The following CACNA2D2 variants were observed in gnomAD, a reference collection of about 807,000 sequenced individuals.
CACNA2D2 encodes voltage-dependent calcium channel subunit alpha-2/delta-2.
Under a neutral mutation model 166.4 loss-of-function variants are expected in CACNA2D2, and 48 were observed. That is an observed-to-expected ratio of 0.29 (90% CI 0.23 to 0.37). CACNA2D2 has a LOEUF of 0.37. Ranked by LOEUF, CACNA2D2 falls within the 10% of genes least tolerant of loss-of-function variation. The probability of loss-of-function intolerance (pLI) is 1.00; values close to 1 mark genes in which losing one functional copy is unlikely to be tolerated. For synonymous variants in CACNA2D2, 561 were observed against 573.7 expected, an observed-to-expected ratio of 0.98 and a Z score of 0.32; for missense variants, 1,122 against 1,433.0, an observed-to-expected ratio of 0.78 and a Z score of 3.50.
chr3:50,374,769 G>A lies in CACNA2D2; in HGVS notation c.1952C>T (p.Ala651Val). Reference protein sequence around the residue: ...LPPYSTFYLQANLSDQILQVK... With the variant: ...LPPYSTFYLQVNLSDQILQVK... ...CTGCAGGATCTGGTCACTGAGATTG[G>A]CTTGGAGGTAGAAGGTGCTGTAGGG... Residue 651 changes from alanine to valine, a missense_variant, in exon 22 of 38, where the codon GCC becomes GTC. Physicochemically the swap from Ala to Val is moderately conservative, Grantham distance 64 (BLOSUM62 0). Coordinates refer to ENST00000424201, the MANE Select transcript of CACNA2D2 (RefSeq NM_006030.4). The A allele has an allele frequency of 3.1e-6, 5 of 1,598,750 alleles. No homozygotes were observed. The highest frequency in any genetic ancestry group is 4.3e-6 in the Non-Finnish European group (5 of 1,173,432).
At chr3:50,502,991 A>C (rs1314061815) in intron 1 of CACNA2D2, among the ~76,000 whole-genome samples, 3 of 151,534 alleles carry the variant, frequency 2.0e-5, no homozygotes, top group Non-Finnish European at 4.4e-5. Flanking sequence ...CATTCGGGGG[A>C]TTTGGGGGAA....
At chr3:50,441,191 T>C (rs970068862) in intron 2 of CACNA2D2, among the ~76,000 whole-genome samples, 77 of 152,116 alleles carry the variant, frequency 5.1e-4, no homozygotes, top group African/African-American at 1.8e-3. Context: ...GGCTCTGTGG[T>C]CCCTCGTCCT....
chr3:50,384,428 G>GTCCA (rs2106688311), intron 5 of CACNA2D2, 91 bp from the exon 6 acceptor site: 1 of 1,438,394 alleles, frequency 7.0e-7, no homozygotes, highest in African/African-American at 1.4e-5. Context: ...GAGGGCCAGA[G>GTCCA]TCCAGGAGAT....
intron 2 of CACNA2D2, among the ~76,000 whole-genome samples, chr3:50,457,652 T>C (rs1182606851): frequency 6.6e-6 from 1 of 152,136 alleles, no homozygotes. Context: ...CAACCCCACG[T>C]ACCTCTGCCA....
intron 3 of CACNA2D2, among the ~76,000 whole-genome samples, chr3:50,432,616 G>A (rs2236969): frequency 0.095 from 14,416 of 152,246 alleles, 1,989 homozygotes; most frequent in African/African-American, 0.3. Context: ...AGAGGCGAGC[G>A]TAATGGGCTG....
intron 2 of CACNA2D2, among the ~76,000 whole-genome samples, chr3:50,467,974 T>G (rs1223675978): frequency 6.6e-6 from 1 of 152,172 alleles, no homozygotes; most frequent in African/African-American, 2.4e-5. Flanking sequence ...CGGCTGTGGT[T>G]TGTCAGAACC....
At chr3:50,433,832 G>A (rs1238874313) in intron 3 of CACNA2D2, among the ~76,000 whole-genome samples, 2 of 152,156 alleles carry the variant, frequency 1.3e-5, no homozygotes, top group Admixed American at 6.5e-5. Flanking sequence ...TCAAAGCCAT[G>A]GGCAGAGCAG....
chr3:50,433,891 A>G (rs1439001253), intron 3 of CACNA2D2, among the ~76,000 whole-genome samples: 3 of 152,064 alleles, frequency 2.0e-5, no homozygotes, highest in African/African-American at 7.2e-5. Context: ...AGCCCCCTCG[A>G]CACTCCCTCC....
chr3:50,367,803 G>A lies in CACNA2D2; in HGVS notation c.2234+9C>T. ...AGCCTTCTGCCCCCACAGGCTGGGT[G>A]ATGCCTACGTGTTGAGATCCTGGTC... is the stretch of plus-strand genomic sequence containing the variant. On this transcript the variant is annotated intron_variant, in intron 25 of 37. Transcript: ENST00000424201. The surrounding 1 kb of genome is among the most constrained non-coding windows in gnomAD (Gnocchi z 6.5). The A allele has an allele frequency of 1.9e-6, 3 of 1,612,486 alleles. No homozygotes were observed. Among genetic ancestry groups the A allele is most frequent in the South Asian group, 1.1e-5 (1 of 90,986 alleles).
intron 2 of CACNA2D2, among the ~76,000 whole-genome samples, chr3:50,447,387 AG>A (rs550064072): frequency 4.5e-4 from 69 of 152,322 alleles, no homozygotes; most frequent in African/African-American, 1.5e-3. Context: ...AACCTCCAGC[AG>A]GAAGGAGGGA....
intron 2 of CACNA2D2, among the ~76,000 whole-genome samples, chr3:50,440,061 T>C (rs902511223): frequency 2.0e-5 from 3 of 152,194 alleles, no homozygotes; most frequent in Non-Finnish European, 2.9e-5. Context: ...TGACAGCACT[T>C]GGGACAGATC....
intron 2 of CACNA2D2, among the ~76,000 whole-genome samples, chr3:50,464,556 C>T (rs1198027384): frequency 6.6e-6 from 1 of 152,132 alleles, no homozygotes; most frequent in Non-Finnish European, 1.5e-5. Flanking sequence ...AAGCCACAGC[C>T]CACATAAAAG....
chr3:50,400,557 C>T (rs1272158674), intron 3 of CACNA2D2, among the ~76,000 whole-genome samples: 1 of 152,252 alleles, frequency 6.6e-6, no homozygotes, highest in Non-Finnish European at 1.5e-5. Context: ...CTTGCCCCGA[C>T]CCCACATTTT....
intron 2 of CACNA2D2, among the ~76,000 whole-genome samples, chr3:50,451,275 G>A (rs754161984): frequency 2.6e-5 from 4 of 152,090 alleles, no homozygotes; most frequent in East Asian, 1.9e-4. Flanking sequence ...ACAGGTGTGC[G>A]CCACCATGCC....
Position 50,365,601 on chromosome 3 carries a change from A to T in CACNA2D2, c.2971+32T>A. ...GTCTTAGCTCAGATTGGGGACCCGG[A>T]CTTGAGGAGGCGCCTCCAAAGCCCT... On this transcript the variant is annotated intron_variant, in intron 34 of 37. Transcript: ENST00000424201. The surrounding 1 kb of genome is among the most constrained non-coding windows in gnomAD (Gnocchi z 4.5). 6.4e-7 allele frequency: 1 copy of T among 1,573,342 alleles called. No homozygotes were observed. The highest frequency in any genetic ancestry group is 8.6e-7 in the Non-Finnish European group (1 of 1,159,006).
chr3:50,476,915 C>CT (rs754976759), intron 1 of CACNA2D2, among the ~76,000 whole-genome samples: 37 of 149,106 alleles, frequency 2.5e-4, no homozygotes, highest in Non-Finnish European at 4.9e-4. Context: ...TGGGATTGCT[C>CT]TTTGTTTCTT....
At chr3:50,385,392 CTCAT>C (rs1316205398) in intron 5 of CACNA2D2, among the ~76,000 whole-genome samples, 1 of 152,166 alleles carries the variant, frequency 6.6e-6, no homozygotes, top group Non-Finnish European at 1.5e-5. Context: ...CCAGGCTTAG[CTCAT>C]TCATTCTCCC....
intron 2 of CACNA2D2, among the ~76,000 whole-genome samples, 182 bp from the exon 3 acceptor site, chr3:50,434,611 G>A (rs1708224346): frequency 6.6e-6 from 1 of 152,260 alleles, no homozygotes; most frequent in Admixed American, 6.5e-5. Context: ...GGCAGGGCAA[G>A]GCCAGGGGCT....
chr3:50,465,669 C>T (rs1709798649), intron 2 of CACNA2D2, among the ~76,000 whole-genome samples: 1 of 152,160 alleles, frequency 6.6e-6, no homozygotes. Flanking sequence ...GGGACCCTCA[C>T]TTTCTAGGAT....
Sources: allele counts gnomAD v4.1 joint callset (sites outside exome capture counted in the v4.1 genomes callset), GRCh38; gene constraint gnomAD v4.1.1; non-coding constraint Gnocchi (gnomAD v3.1); transcripts MANE v1.5; gene names NCBI Gene and HGNC (gene_info 2026-07-23, HGNC 2026-07-21).